Variants in GRIN2B observed in about 807,000 individuals in gnomAD.
The protein encoded by GRIN2B is glutamate ionotropic receptor NMDA type subunit 2B.
Under a neutral mutation model 114.5 loss-of-function variants are expected in GRIN2B, and 5 were observed. That is an observed-to-expected ratio of 0.04 (90% CI 0.02 to 0.09). GRIN2B has a LOEUF of 0.09. Among genes scored for constraint, GRIN2B ranks in the 10% least tolerant of loss-of-function variants. The pLI is 1.00. For missense variants in GRIN2B, 1,108 were observed against 1,943.5 expected, an observed-to-expected ratio of 0.57 and a Z score of 8.08; for synonymous variants, 787 against 745.1, an observed-to-expected ratio of 1.06 and a Z score of -0.92.
At chr12:13,632,615 G>A (rs1949625573) in intron 5 of GRIN2B, among the ~76,000 whole-genome samples, 2 of 152,296 alleles carry the variant, frequency 1.3e-5, no homozygotes, top group East Asian at 1.9e-4. Context: ...AAGTTAATGA[G>A]GTTTGAAGCA....
intron 4 of GRIN2B, among the ~76,000 whole-genome samples, chr12:13,693,126 G>A (rs2136560011): frequency 6.6e-6 from 1 of 152,168 alleles, no homozygotes; most frequent in South Asian, 2.1e-4. Flanking sequence ...AATATTAGAA[G>A]TGTGTTAGGT....
intron 2 of GRIN2B, among the ~76,000 whole-genome samples, chr12:13,936,628 C>T (rs1396895653): frequency 6.6e-6 from 1 of 152,082 alleles, no homozygotes; most frequent in African/African-American, 2.4e-5. Flanking sequence ...GTCTCTAAAA[C>T]ATATTATCCA....
intron 4 of GRIN2B, among the ~76,000 whole-genome samples, chr12:13,709,728 G>A (rs567977274): frequency 9.8e-4 from 149 of 152,032 alleles, no homozygotes; most frequent in African/African-American, 3.4e-3. Flanking sequence ...CGAAGTCCCG[G>A]CAGGTATTAT....
chr12:13,911,575 G>T (rs566954948), intron 2 of GRIN2B, among the ~76,000 whole-genome samples: 2 of 152,112 alleles, frequency 1.3e-5, no homozygotes, highest in Non-Finnish European at 2.9e-5. Flanking sequence ...TGTCTTTCTG[G>T]TGGGTCCCTT....
In GRIN2B at chr12:13,611,707, G is replaced by A. The variant is rs776489041; in HGVS notation, c.1780+18C>T. The A allele has an allele frequency of 2.0e-5, 32 of 1,612,650 alleles. No homozygotes were observed. Among genetic ancestry groups the A allele is most frequent in the Admixed American group, 1.7e-4 (10 of 60,000 alleles). ...GAGAAAAAAACTGGGGAAGTGCAGC[G>A]GTTCCAGCCGGCCTTACCTCTGCCA... On this transcript the variant is annotated intron_variant, in intron 9 of 13. Transcript: ENST00000609686.
chr12:13,847,693 G>A (rs559776556), intron 3 of GRIN2B, among the ~76,000 whole-genome samples: 1 of 152,164 alleles, frequency 6.6e-6, no homozygotes, highest in East Asian at 1.9e-4. Flanking sequence ...AGCAGGGCAA[G>A]GAGAGAAAGG....
Position 13,563,009 on chromosome 12 carries a change from G to A in GRIN2B, c.4229C>T (p.Thr1410Met), listed in dbSNP as rs779830552. The part of the protein sequence containing the change: ...GSKSYFFRQP[T>M]VAGASKARPD... ...CCTGGCTTTCGACGCCCCCGCCACC[G>A]TGGGCTGCCTGAAGAAGTAGGATTT... The change falls in exon 14 of 14, where the codon ACG becomes ATG. Residue 1410 changes from threonine (T) to methionine (M), a missense_variant. Physicochemically the swap from Thr to Met is moderately conservative, Grantham distance 81 (BLOSUM62 -1). This residue lies in a region of GRIN2B where 478 missense variants were observed against 506.0 expected (regional missense o/e 0.94). Transcript: ENST00000609686. The A allele has an allele frequency of 9.3e-6, 15 of 1,613,806 alleles. No individual in the cohort carries two copies. The highest frequency in any genetic ancestry group is 3.3e-4 in the Middle Eastern group (2 of 6,058).
At chr12:13,778,986 T>C (rs190465602) in intron 3 of GRIN2B, among the ~76,000 whole-genome samples, 3 of 152,332 alleles carry the variant, frequency 2.0e-5, no homozygotes, top group African/African-American at 7.2e-5. Flanking sequence ...ATATATCCCA[T>C]AACCAGCTTC....
chr12:13,717,556 C>A (rs754165888), intron 4 of GRIN2B, among the ~76,000 whole-genome samples: 4 of 151,852 alleles, frequency 2.6e-5, no homozygotes, highest in Non-Finnish European at 4.4e-5. Flanking sequence ...GGGCTCCTGG[C>A]ACAGAATCTG....
At chr12:13,936,213 C>T (rs529058375) in intron 2 of GRIN2B, among the ~76,000 whole-genome samples, 2 of 152,114 alleles carry the variant, frequency 1.3e-5, no homozygotes, top group South Asian at 2.1e-4. Context: ...AAAGGTAAAA[C>T]GCAGTTACTA....
chr12:13,615,072 T>A lies in GRIN2B; in HGVS notation c.1654+42A>T, dbSNP rs767526787. The A allele has an allele frequency of 2.6e-6, 4 of 1,554,200 alleles. No homozygotes were observed. The highest frequency in any genetic ancestry group is 2.7e-5 in the African/African-American group (2 of 73,716). ...CTTTTTTCCTTATTTCACTTCCCCA[T>A]CCATACGTCCATTTCCTTCCACCAG... On this transcript the variant is annotated intron_variant, in intron 8 of 13. Coordinates refer to ENST00000609686, the MANE Select transcript of GRIN2B (RefSeq NM_000834.5). The surrounding 1 kb of genome is among the most constrained non-coding windows in gnomAD (Gnocchi z 5.8).
At chr12:13,920,750 T>C (rs1162232312) in intron 2 of GRIN2B, among the ~76,000 whole-genome samples, 6 of 152,194 alleles carry the variant, frequency 3.9e-5, no homozygotes, top group African/African-American at 7.2e-5. Context: ...CTCCTGAGAA[T>C]CACCCACTTG....
intron 4 of GRIN2B, among the ~76,000 whole-genome samples, chr12:13,677,083 C>T (rs1489050730): frequency 6.6e-6 from 1 of 152,166 alleles, no homozygotes; most frequent in Non-Finnish European, 1.5e-5. Context: ...TGCATTAGTG[C>T]AACTGCACTG....
intron 4 of GRIN2B, among the ~76,000 whole-genome samples, chr12:13,752,493 T>G (rs975439625): frequency 7.9e-5 from 12 of 152,184 alleles, no homozygotes; most frequent in Non-Finnish European, 1.5e-4. Context: ...AAAACACACT[T>G]CTTTATGTTC....
At chr12:13,740,425 G>A (rs1863260475) in intron 4 of GRIN2B, among the ~76,000 whole-genome samples, 1 of 151,896 alleles carries the variant, frequency 6.6e-6, no homozygotes, top group South Asian at 2.1e-4. Flanking sequence ...AAGAATGAAT[G>A]TAATTTTGTG....
At chr12:13,875,372 C>T (rs1337335314) in intron 2 of GRIN2B, among the ~76,000 whole-genome samples, 2 of 151,940 alleles carry the variant, frequency 1.3e-5, no homozygotes, top group African/African-American at 4.8e-5. Flanking sequence ...AATAAAAATA[C>T]AAAAATTAGC....
At chr12:13,941,067 TCACACACACACA>T (rs57165618) in intron 2 of GRIN2B, among the ~76,000 whole-genome samples, 68,093 of 150,740 alleles carry the variant, frequency 0.45, 15,496 homozygotes, top group East Asian at 0.52. Context: ...ACACATATGT[TCACACACACACA>T]CACACACACA....
intron 3 of GRIN2B, among the ~76,000 whole-genome samples, chr12:13,754,504 G>T (rs1863543878): frequency 6.6e-6 from 1 of 152,222 alleles, no homozygotes; most frequent in Non-Finnish European, 1.5e-5. Flanking sequence ...CAGTGGTCCA[G>T]AAGGTGAATG....
At chr12:13,888,856 C>T (rs561842850) in intron 2 of GRIN2B, among the ~76,000 whole-genome samples, 1 of 151,286 alleles carries the variant, frequency 6.6e-6, no homozygotes, top group East Asian at 1.9e-4. Context: ...GAAAGTTGCT[C>T]TGAGTGAGTC....
Sources: gnomAD v4.1 joint callset for allele counts (sites outside exome capture counted in the v4.1 genomes callset) on GRCh38, gnomAD v4.1.1 for gene constraint, gnomAD v4.1.1 regional missense constraint, Gnocchi (gnomAD v3.1) non-coding constraint, MANE v1.5 for transcripts, NCBI Gene and HGNC (gene_info 2026-07-23, HGNC 2026-07-21) for gene names.